The following ANKRD44 variants were observed in gnomAD, a reference collection of about 807,000 sequenced individuals.
ANKRD44 encodes the protein ankyrin repeat domain 44, also known as serine/threonine-protein phosphatase 6 regulatory ankyrin repeat subunit B.
A neutral mutation model predicts 116.0 loss-of-function variants in ANKRD44; 35 were observed. That is an observed-to-expected ratio of 0.30 (90% confidence interval 0.23 to 0.40). ANKRD44 has a LOEUF of 0.40. Among genes scored for constraint, ANKRD44 ranks in the 10% least tolerant of loss-of-function variants. The pLI is 1.00. For synonymous variants in ANKRD44, 435 were observed against 461.8 expected (o/e 0.94, Z 0.74); for missense variants, 1,014 against 1,242.6 (o/e 0.82, Z 2.77).
Position 196,988,958 on chromosome 2 carries a change from A to G in ANKRD44, c.*633T>C, listed in dbSNP as rs769152998. ...TTTCATCTCGCAGAAGGGCATCCAG[A>G]CTGCAATGTCTTCTAAGCTCTAAGC... On this transcript the variant is annotated 3_prime_UTR_variant, in exon 28 of 28. Coordinates refer to ENST00000282272, the MANE Select transcript of ANKRD44 (RefSeq NM_001195144.2). 77 of 985,300 alleles carry G rather than the reference A, an allele frequency of 7.8e-5. No individual in the cohort carries two copies. The highest frequency in any genetic ancestry group is 9.3e-5 in the Non-Finnish European group (77 of 829,952). The allele number at this position is 985,300 out of a possible 1,614,324, so 61.0% of individuals were successfully genotyped here. A position where few individuals can be genotyped will look rare whatever the true frequency, so the allele number is the denominator to read the frequency against.
At chr2:196,998,113 A>T (rs1384234271) in intron 25 of ANKRD44, among the ~76,000 whole-genome samples, 3 of 152,184 alleles carry the variant, frequency 2.0e-5, no homozygotes, top group Non-Finnish European at 4.4e-5. Context: ...CATGAAAAGC[A>T]TGTCCTCAGT....
chr2:196,990,490 C>T, intron 27 of ANKRD44: 1 of 1,222,942 alleles, frequency 8.2e-7, no homozygotes, highest in East Asian at 3.2e-5. Flanking sequence ...TGAAACAAAA[C>T]AAAACTGGGG....
At chr2:197,255,882 T>C (rs1042575949) in intron 1 of ANKRD44, among the ~76,000 whole-genome samples, 8 of 152,308 alleles carry the variant, frequency 5.3e-5, no homozygotes, top group African/African-American at 1.9e-4. Context: ...AATAAAGAAA[T>C]GTTTAATCAC....
chr2:197,154,228 G>T (rs572593360), intron 2 of ANKRD44, among the ~76,000 whole-genome samples: 1 of 133,822 alleles, frequency 7.5e-6, no homozygotes, highest in African/African-American at 2.8e-5. Context: ...CGCCCAGGCT[G>T]GAGTGCAGTG....
At chr2:197,105,313 C>A (rs13428405) in intron 9 of ANKRD44, among the ~76,000 whole-genome samples, 9,328 of 152,104 alleles carry the variant, frequency 0.061, 968 homozygotes, top group African/African-American at 0.21. Context: ...GAGGTTTTGC[C>A]ATGTTGGCCA....
intron 1 of ANKRD44, among the ~76,000 whole-genome samples, chr2:197,305,964 GTT>G (rs1197887500): frequency 7.5e-4 from 87 of 116,578 alleles, no homozygotes; most frequent in African/African-American, 2.9e-3. Context: ...ACCGCAGTTC[GTT>G]TTATATATAT....
chr2:197,129,237 G>A (rs56987269), intron 4 of ANKRD44, among the ~76,000 whole-genome samples: 1 of 151,684 alleles, frequency 6.6e-6, no homozygotes, highest in African/African-American at 2.4e-5. Flanking sequence ...CAGTTCAAGC[G>A]ATTCTCCTGC....
intron 16 of ANKRD44, among the ~76,000 whole-genome samples, chr2:197,043,387 T>G (rs2076946719): frequency 6.6e-6 from 1 of 152,092 alleles, no homozygotes; most frequent in African/African-American, 2.4e-5. Context: ...AAAAATTTTT[T>G]GTAGAGATGG....
chr2:197,270,201 CA>C (rs2082858293), intron 1 of ANKRD44, among the ~76,000 whole-genome samples: 2 of 151,764 alleles, frequency 1.3e-5, no homozygotes, highest in South Asian at 4.2e-4. Flanking sequence ...GATTGGGGGA[CA>C]GGGGTGGGAG....
chr2:197,047,237 C>G (rs1451425052), intron 16 of ANKRD44, among the ~76,000 whole-genome samples: 1 of 152,072 alleles, frequency 6.6e-6, no homozygotes, highest in Non-Finnish European at 1.5e-5. Context: ...CCAGACTGGT[C>G]TCTAACTCCT....
intron 16 of ANKRD44, among the ~76,000 whole-genome samples, chr2:197,067,273 A>G (rs1272840187): frequency 1.3e-5 from 2 of 152,134 alleles, no homozygotes; most frequent in Non-Finnish European, 2.9e-5. Context: ...CATCTTATAC[A>G]AAAATTAATT....
intron 16 of ANKRD44, among the ~76,000 whole-genome samples, chr2:197,074,282 T>C (rs2077619078): frequency 1.3e-5 from 2 of 152,218 alleles, no homozygotes; most frequent in African/African-American, 4.8e-5. Flanking sequence ...ACAACCCAAG[T>C]CCTTCTCTTA....
At chr2:196,974,088 C>CTT (rs113868254) in intron 21 of ANKRD44, among the ~76,000 whole-genome samples, 33 of 146,728 alleles carry the variant, frequency 2.2e-4, no homozygotes, top group African/African-American at 4.2e-4. Flanking sequence ...CTCTCATACT[C>CTT]TTTTTTTTTT....
chr2:197,218,306 C>T (rs527989476), intron 1 of ANKRD44, among the ~76,000 whole-genome samples: 34 of 152,154 alleles, frequency 2.2e-4, no homozygotes, highest in Non-Finnish European at 4.0e-4. Flanking sequence ...TTCTTTAAGA[C>T]AGCAACTACT....
chr2:197,271,740 T>C (rs1184412004), intron 1 of ANKRD44, among the ~76,000 whole-genome samples: 1 of 152,064 alleles, frequency 6.6e-6, no homozygotes, highest in African/African-American at 2.4e-5. Flanking sequence ...ACCTCCCTAG[T>C]AGCTGAGACT....
At chr2:197,229,871 G>A (rs1452156425) in intron 1 of ANKRD44, among the ~76,000 whole-genome samples, 1 of 152,134 alleles carries the variant, frequency 6.6e-6, no homozygotes, top group Non-Finnish European at 1.5e-5. Flanking sequence ...CATCGATGCA[G>A]AATTGGAAAG....
At chr2:196,979,382 CA>C (rs778459937) in intron 21 of ANKRD44, among the ~76,000 whole-genome samples, 7,789 of 40,516 alleles carry the variant, frequency 0.19, 62 homozygotes, top group African/African-American at 0.21. Flanking sequence ...GACTCCGTCT[CA>C]AAAAAAAAAA....
chr2:197,261,393 T>C (rs2082599315), intron 1 of ANKRD44, among the ~76,000 whole-genome samples: 1 of 151,928 alleles, frequency 6.6e-6, no homozygotes, highest in African/African-American at 2.4e-5. Context: ...GTTGTAGATA[T>C]GTGGAATTAT....
chr2:197,271,615 A>T (rs1450404892), intron 1 of ANKRD44, among the ~76,000 whole-genome samples: 1 of 152,166 alleles, frequency 6.6e-6, no homozygotes, highest in Non-Finnish European at 1.5e-5. Context: ...ATGCATTGCA[A>T]ATCAGGTTTT....
Sources: gnomAD v4.1 joint callset for allele counts (sites outside exome capture counted in the v4.1 genomes callset) on GRCh38, gnomAD v4.1.1 for gene constraint, MANE v1.5 for transcripts, NCBI Gene and HGNC (gene_info 2026-07-23, HGNC 2026-07-21) for gene names.